The following CABP5 variants were observed in gnomAD, a reference collection of about 807,000 sequenced individuals.
CABP5 encodes calcium binding protein 5, also known as calcium-binding protein 5.
CABP5 carries 17 observed loss-of-function variants against 21.9 expected under a neutral mutation model. That is an observed-to-expected ratio of 0.78 (90% CI 0.53 to 1.17). CABP5 has a LOEUF of 1.17. Among genes scored for constraint, CABP5 ranks in the 50% most tolerant of loss-of-function variants. The probability of loss-of-function intolerance (pLI) is 0.00; values close to 1 mark genes in which losing one functional copy is unlikely to be tolerated. For missense variants in CABP5, 229 were observed against 228.9 expected (o/e 1.00, Z 0.00); for synonymous variants, 85 against 79.4 (o/e 1.07, Z -0.37).
chr19:48,041,794 C>G (rs10418611), intron 1 of CABP5, among the ~76,000 whole-genome samples, 191 bp from the exon 2 acceptor site: 2 of 151,998 alleles, frequency 1.3e-5, no homozygotes, highest in South Asian at 2.1e-4. Flanking sequence ...CCCCACCCCC[C>G]TCTCGATGTC....
chr19:48,033,319 G>A (rs1967365369), intron 5 of CABP5, among the ~76,000 whole-genome samples: 1 of 151,188 alleles, frequency 6.6e-6, no homozygotes, highest in Non-Finnish European at 1.5e-5. Flanking sequence ...GCCTTCCTAT[G>A]CCTCACATAA....
chr19:48,042,783 C>T (rs1305870954), intron 1 of CABP5, among the ~76,000 whole-genome samples: 2 of 152,074 alleles, frequency 1.3e-5, no homozygotes, highest in Non-Finnish European at 2.9e-5. Context: ...CCATCTTGGC[C>T]AGGCTGGTCT....
At chr19:48,034,113 A>G in intron 5 of CABP5, 102 bp downstream of exon 5, 1 of 1,145,594 alleles carries the variant, frequency 8.7e-7, no homozygotes, top group Non-Finnish European at 1.2e-6. Context: ...AAACTTGGAG[A>G]GGAGTGAGAA....
intron 1 of CABP5, among the ~76,000 whole-genome samples, chr19:48,042,591 T>TC (rs1180412013): frequency 6.6e-6 from 1 of 151,924 alleles, no homozygotes; most frequent in Non-Finnish European, 1.5e-5. Flanking sequence ...TTTTTTTTTT[T>TC]TGAGACACAG....
At chr19:48,034,118 T>G in intron 5 of CABP5, 97 bp downstream of exon 5, 1 of 1,226,196 alleles carries the variant, frequency 8.2e-7, no homozygotes, top group South Asian at 1.8e-5. Context: ...TGGAGAGGAG[T>G]GAGAAGGAGT....
chr19:48,034,489 G>T, intron 4 of CABP5, 127 bp from the exon 5 acceptor site: 2 of 526,078 alleles, frequency 3.8e-6, no homozygotes, highest in East Asian at 3.5e-5. Context: ...TGAGCCACTA[G>T]AACGTCAGCT....
chr19:48,041,170 A>G (rs1254186505), intron 2 of CABP5, among the ~76,000 whole-genome samples: 4 of 150,276 alleles, frequency 2.7e-5, no homozygotes, highest in African/African-American at 7.3e-5. Context: ...TGGCAACAAG[A>G]GCAAAACTCT....
chr19:48,042,356 C>T (rs530289871), intron 1 of CABP5, among the ~76,000 whole-genome samples: 1 of 152,236 alleles, frequency 6.6e-6, no homozygotes, highest in Non-Finnish European at 1.5e-5. Flanking sequence ...TGACCAGTTC[C>T]TAAACACTCT....
At position 48,029,585 on chromosome 19, in the gene CABP5, C is replaced by T. The variant is rs776807541; in HGVS notation, c.*972G>A. On this transcript the variant is annotated 3_prime_UTR_variant, in exon 6 of 6. Coordinates refer to ENST00000293255, the MANE Select transcript of CABP5 (RefSeq NM_019855.5). ...GACAGACCAGCGCGGAGGTAGGAGG[C>T]TTCTAGGAAAGACTTTGCAACAACC... Among the ~76,000 whole-genome samples, 1 of 152,072 alleles carries T rather than the reference C, an allele frequency of 6.6e-6. No individual in the cohort carries two copies. The highest frequency in any genetic ancestry group is 1.5e-5 in the Non-Finnish European group (1 of 68,000).
intron 1 of CABP5, 125 bp downstream of exon 1, chr19:48,043,735 T>A: frequency 1.3e-6 from 1 of 776,498 alleles, no homozygotes; most frequent in Non-Finnish European, 1.9e-6. Flanking sequence ...TTCTTATACC[T>A]TCTCAGCTCC....
At chr19:48,032,832 C>T (rs76496384) in intron 5 of CABP5, among the ~76,000 whole-genome samples, 46,081 of 151,042 alleles carry the variant, frequency 0.31, 7,836 homozygotes, top group Non-Finnish European at 0.38. Flanking sequence ...GGTTTCACCA[C>T]GTTGGCCCCC....
Position 48,030,480 on chromosome 19 carries a change from C to T in CABP5, c.*77G>A, listed in dbSNP as rs538688087. On this transcript the variant is annotated 3_prime_UTR_variant, in exon 6 of 6. Transcript: ENST00000293255. Reference sequence around the variant, plus strand: ...CTCTCTGCTTTAAGGGGATCTGGGGCTTTTGGGCTTTGGTTCTCCACAAGC... The same window carrying T: ...CTCTCTGCTTTAAGGGGATCTGGGGTTTTTGGGCTTTGGTTCTCCACAAGC... The T allele has an allele frequency of 1.2e-5, 17 of 1,476,144 alleles. No individual in the cohort carries two copies. The East Asian group carries it at 3.7e-4, about 32-fold the overall frequency. The allele number at this position is 1,476,144 out of a possible 1,614,324, so 91.4% of individuals were successfully genotyped here. A position where few individuals can be genotyped will look rare whatever the true frequency, so the allele number is the denominator to read the frequency against.
At position 48,040,761 on chromosome 19, in the gene CABP5, A is replaced by C; in HGVS notation, c.95-13T>G. 1 of 1,613,666 alleles carries C rather than the reference A, an allele frequency of 6.2e-7. No homozygotes were observed. Among genetic ancestry groups the C allele is most frequent in the African/African-American group, 1.3e-5 (1 of 75,054 alleles). On this transcript the variant is annotated splice_polypyrimidine_tract_variant and intron_variant, in intron 2 of 5. Coordinates refer to ENST00000293255, the MANE Select transcript of CABP5 (RefSeq NM_019855.5). The stretch of plus-strand genomic sequence containing the variant: ...GCTTCCCGCAGCTCTGAAAGTTAAG[A>C]GAGAACTTTGGGGGAACTTGAAGCA...
In CABP5 at chr19:48,041,621, TGAGAGGGAATTTGGA is replaced by T. The variant is rs888074148; in HGVS notation, c.64-33_64-19del. ...GGTCTTTCCTGGAAAGGAATGCAGA[TGAGAGGGAATTTGGA>T]GAGAGGGTCACCCATTCTCCAAAGG... On this transcript the variant is annotated intron_variant, in intron 1 of 5. Transcript: ENST00000293255. 12 of 1,609,232 alleles carry T rather than the reference TGAGAGGGAATTTGGA, an allele frequency of 7.5e-6. No homozygotes were observed. Among genetic ancestry groups the T allele is most frequent in the Admixed American group, 1.7e-5 (1 of 58,744 alleles).
Position 48,043,976 on chromosome 19 carries a change from C to A in CABP5, c.-54G>T. ...CCAGTCTCAAGATGGCCCCTCCTCC[C>A]TGCTCCCTGTCGGAGCTCAGCCTCC... On this transcript the variant is annotated 5_prime_UTR_variant, in exon 1 of 6. The change creates a new upstream start codon in the 5' untranslated region. Transcript: ENST00000293255. 7.6e-6 allele frequency: 11 copies of A among 1,456,538 alleles called. No individual in the cohort carries two copies. In the South Asian group the frequency reaches 1.4e-4, roughly 18 times the overall value. The allele number at this position is 1,456,538 out of a possible 1,614,324, so 90.2% of individuals were successfully genotyped here.
At chr19:48,035,078 T>G (rs1351558263) in intron 4 of CABP5, among the ~76,000 whole-genome samples, 1 of 152,178 alleles carries the variant, frequency 6.6e-6, no homozygotes, top group Non-Finnish European at 1.5e-5. Context: ...ATTCCTCCTG[T>G]CTAACCAAAA....
intron 5 of CABP5, among the ~76,000 whole-genome samples, chr19:48,033,201 G>T (rs1037069412): frequency 1.3e-5 from 2 of 151,286 alleles, no homozygotes; most frequent in Non-Finnish European, 1.5e-5. Context: ...ACAGGATTTC[G>T]CCATGTTGGC....
intron 5 of CABP5, among the ~76,000 whole-genome samples, chr19:48,033,556 C>T (rs1008003303): frequency 4.6e-5 from 7 of 152,014 alleles, no homozygotes; most frequent in South Asian, 4.1e-4. Context: ...CAGAGGGACA[C>T]GGAGCCCAGT....
intron 1 of CABP5, among the ~76,000 whole-genome samples, chr19:48,042,643 C>T (rs1431736710): frequency 6.6e-6 from 1 of 151,126 alleles, no homozygotes; most frequent in African/African-American, 2.4e-5. Context: ...GGCACGAACT[C>T]GGCTCACTGC....
Sources: allele counts gnomAD v4.1 joint callset (sites outside exome capture counted in the v4.1 genomes callset), GRCh38; gene constraint gnomAD v4.1.1; transcripts MANE v1.5; gene names NCBI Gene and HGNC (gene_info 2026-07-23, HGNC 2026-07-21).